ST7L: variants seen among roughly 807,000 people sequenced by gnomAD.
ST7L encodes suppressor of tumorigenicity 7 protein-like.
In ST7L, 57 loss-of-function variants were observed where a neutral mutation model predicts 72.5. The observed-to-expected ratio is 0.79, with a 90% CI of 0.64 to 0.98. The LOEUF (loss-of-function observed/expected upper bound fraction) is 0.98. Ranked by LOEUF, ST7L falls within the 50% of genes least tolerant of loss-of-function variation. The probability of loss-of-function intolerance (pLI) is 0.00; values close to 1 mark genes in which losing one functional copy is unlikely to be tolerated. For synonymous variants in ST7L, 221 were observed against 240.9 expected (o/e 0.92, Z 0.77); for missense variants, 576 against 672.2 (o/e 0.86, Z 1.58).
intron 13 of ST7L, among the ~76,000 whole-genome samples, chr1:112,546,469 G>A (rs1176109517): frequency 6.6e-6 from 1 of 151,994 alleles, no homozygotes; most frequent in African/African-American, 2.4e-5. Context: ...AAGCCAAACT[G>A]TAAAGAGAAA....
chr1:112,578,003 CTT>C (rs1663423036), intron 10 of ST7L, among the ~76,000 whole-genome samples: 1 of 151,544 alleles, frequency 6.6e-6, no homozygotes. Context: ...GGTGTGTGTA[CTT>C]TCTTTCTAGA....
chr1:112,618,073 C>T, intron 1 of ST7L: 1 of 1,303,894 alleles, frequency 7.7e-7, no homozygotes, highest in South Asian at 1.2e-5. Context: ...AAAAATCAAC[C>T]ACCATACTGA....
chr1:112,609,125 G>A lies in ST7L; in HGVS notation c.451+1716C>T, dbSNP rs1020284780. On this transcript the variant is annotated intron_variant, in intron 3 of 14. Transcript: ENST00000358039. ...GAGGATCACTTGAGCCCAGGAGTTC[G>A]AGACCAGCCTGGGCAACATACTGAG... Among the ~76,000 whole-genome samples, 67 of 151,974 alleles carry A rather than the reference G, an allele frequency of 4.4e-4. 1 individual carries two copies. The highest frequency in any genetic ancestry group is 1.5e-3 in the African/African-American group (63 of 41,348).
chr1:112,568,330 A>ATTTT (rs776031521), intron 11 of ST7L, among the ~76,000 whole-genome samples: 88 of 116,712 alleles, frequency 7.5e-4, no homozygotes, highest in African/African-American at 2.2e-3. Flanking sequence ...CTGTAATAAT[A>ATTTT]TTTTTTTTTT....
chr1:112,556,976 A>C (rs535847287), intron 11 of ST7L, among the ~76,000 whole-genome samples: 3 of 135,610 alleles, frequency 2.2e-5, no homozygotes, highest in South Asian at 4.3e-4. Context: ...CAAAAAAAAA[A>C]AAAAAAAACA....
intron 5 of ST7L, among the ~76,000 whole-genome samples, chr1:112,597,439 AAATC>A (rs1666644759): frequency 6.6e-6 from 1 of 152,194 alleles, no homozygotes; most frequent in African/African-American, 2.4e-5. Context: ...CAACAGAGTG[AAATC>A]AATCAATCAA....
chr1:112,520,581 A>G, downstream of ST7L: 2 of 1,446,460 alleles, frequency 1.4e-6, no homozygotes, highest in Non-Finnish European at 9.5e-7. Flanking sequence ...TTGCATGCAC[A>G]CCTTCCTCCA....
intron 1 of ST7L, among the ~76,000 whole-genome samples, chr1:112,617,619 A>G (rs1670072386): frequency 6.6e-6 from 1 of 152,054 alleles, no homozygotes; most frequent in African/African-American, 2.4e-5. Flanking sequence ...GGCTGAGGCC[A>G]GAGGATCGCT....
intron 5 of ST7L, among the ~76,000 whole-genome samples, chr1:112,596,148 A>G (rs963953741): frequency 6.6e-6 from 1 of 152,236 alleles, no homozygotes; most frequent in Admixed American, 6.5e-5. Flanking sequence ...TGCCATTAAT[A>G]TAAACATTAA....
At chr1:112,528,556 T>C (rs1051986044) in intron 14 of ST7L, 1 of 152,196 alleles carries the variant, frequency 6.6e-6, no homozygotes, top group African/African-American at 2.4e-5. Flanking sequence ...CTACAGCTCC[T>C]TATCATTTGA....
upstream of ST7L, chr1:112,619,242 G>C: frequency 2.3e-6 from 2 of 861,356 alleles, no homozygotes; most frequent in Non-Finnish European, 3.6e-6. Flanking sequence ...AACCGGGACC[G>C]AGAAGATTTC....
At chr1:112,541,888 A>G in intron 14 of ST7L, 63 bp downstream of exon 14, 1 of 1,594,096 alleles carries the variant, frequency 6.3e-7, no homozygotes, top group Non-Finnish European at 8.5e-7. Flanking sequence ...GCACAGGCAG[A>G]TCAGAGATGG....
chr1:112,606,043 C>A (rs772364575), intron 3 of ST7L, among the ~76,000 whole-genome samples: 2 of 152,202 alleles, frequency 1.3e-5, no homozygotes, highest in Non-Finnish European at 2.9e-5. Flanking sequence ...TTCCCTGTCC[C>A]TTTTAGTTCA....
At chr1:112,604,938 A>G (rs1319728948) in intron 3 of ST7L, among the ~76,000 whole-genome samples, 13 of 146,214 alleles carry the variant, frequency 8.9e-5, no homozygotes, top group Non-Finnish European at 1.8e-4. Context: ...TACAAAAAAA[A>G]TAGCTGGGCG....
intron 5 of ST7L, among the ~76,000 whole-genome samples, chr1:112,596,014 C>T (rs547869565): frequency 1.6e-4 from 24 of 151,702 alleles, no homozygotes; most frequent in Middle Eastern, 3.4e-3. Context: ...AATTCAGTGT[C>T]ACTCTGTGAG....
chr1:112,553,930 G>T (rs1300843227), intron 12 of ST7L, among the ~76,000 whole-genome samples: 1 of 152,162 alleles, frequency 6.6e-6, no homozygotes, highest in Admixed American at 6.5e-5. Flanking sequence ...ATATAGTAGT[G>T]CCATCTCGGC....
chr1:112,576,222 C>T (rs1250105940), intron 11 of ST7L, among the ~76,000 whole-genome samples: 2 of 152,066 alleles, frequency 1.3e-5, no homozygotes, highest in African/African-American at 4.8e-5. Context: ...TCCCAAGTAG[C>T]TGAGACAACA....
At chr1:112,561,295 G>C (rs1483053024) in intron 11 of ST7L, among the ~76,000 whole-genome samples, 2 of 149,684 alleles carry the variant, frequency 1.3e-5, no homozygotes, top group Non-Finnish European at 3.0e-5. Context: ...GACAGGGCAT[G>C]GTGGTACATG....
chr1:112,556,275 A>G (rs1349683451), intron 11 of ST7L, among the ~76,000 whole-genome samples: 1 of 152,220 alleles, frequency 6.6e-6, no homozygotes. Flanking sequence ...GCTAAATACA[A>G]AATGGAAACT....
Sources: allele counts gnomAD v4.1 joint callset (sites outside exome capture counted in the v4.1 genomes callset), GRCh38; gene constraint gnomAD v4.1.1; transcripts MANE v1.5; gene names NCBI Gene and HGNC (gene_info 2026-07-23, HGNC 2026-07-21).